MAD1L1: variants seen among roughly 807,000 people sequenced by gnomAD.
MAD1L1 encodes mitotic arrest deficient 1 like 1, also known as mitotic spindle assembly checkpoint protein MAD1.
In MAD1L1, 95 loss-of-function variants were observed where a neutral mutation model predicts 96.9. That is an observed-to-expected ratio of 0.98 (90% CI 0.83 to 1.16). The LOEUF is 1.16. Among genes scored for constraint, MAD1L1 ranks in the 50% most tolerant of loss-of-function variants. The probability of loss-of-function intolerance (pLI) is 0.00; values close to 1 mark genes in which losing one functional copy is unlikely to be tolerated. For missense variants in MAD1L1, 1,007 were observed against 954.4 expected, an observed-to-expected ratio of 1.06 and a Z score of -0.73; for synonymous variants, 473 against 396.6, an observed-to-expected ratio of 1.19 and a Z score of -2.29.
intron 12 of MAD1L1, among the ~76,000 whole-genome samples, chr7:2,019,667 C>G (rs537987059): frequency 6.6e-6 from 1 of 152,230 alleles, no homozygotes; most frequent in African/African-American, 2.4e-5. Context: ...CAGCCACCCC[C>G]CACACAAGGC....
intron 18 of MAD1L1, among the ~76,000 whole-genome samples, chr7:1,865,088 C>T (rs1167682967): frequency 1.3e-5 from 2 of 152,180 alleles, no homozygotes; most frequent in African/African-American, 4.8e-5. Flanking sequence ...CCGGGAGCAT[C>T]CCTGTCCCCA....
chr7:1,843,170 C>T (rs1183181303), intron 18 of MAD1L1, among the ~76,000 whole-genome samples: 2 of 152,188 alleles, frequency 1.3e-5, no homozygotes, highest in Non-Finnish European at 2.9e-5. Flanking sequence ...GTCTGGGTGC[C>T]CTCGTTGCCC....
At chr7:1,908,159 T>A (rs1274471897) in intron 17 of MAD1L1, among the ~76,000 whole-genome samples, 1 of 152,174 alleles carries the variant, frequency 6.6e-6, no homozygotes, top group Non-Finnish European at 1.5e-5. Flanking sequence ...GCCCAGCAAG[T>A]CTGTCCAGGC....
At position 1,913,226 on chromosome 7, in the gene MAD1L1, G is replaced by C. The variant is rs371857835; in HGVS notation, c.1808-14836C>G. On this transcript the variant is annotated intron_variant, in intron 17 of 18. Transcript: ENST00000265854. ...GCAGGAGACTCGGGAAGAGGACACG[G>C]AACTGCTCCAGTAATTGGAGCAGCC... Among the ~76,000 whole-genome samples the C allele has an allele frequency of 1.1e-4, 17 of 152,226 alleles. No homozygotes were observed. The South Asian group carries it at 3.3e-3, about 30-fold the overall frequency.
intron 11 of MAD1L1, among the ~76,000 whole-genome samples, chr7:2,083,918 C>A (rs1785779859): frequency 6.6e-6 from 1 of 152,210 alleles, no homozygotes; most frequent in African/African-American, 2.4e-5. Context: ...CGCAGTCAGA[C>A]CCTGGGGTGG....
chr7:2,091,644 T>C (rs1165453970), intron 11 of MAD1L1, among the ~76,000 whole-genome samples: 3 of 151,996 alleles, frequency 2.0e-5, no homozygotes, highest in Admixed American at 1.3e-4. Flanking sequence ...GGCTTAGTGG[T>C]GGGCGCCTGT....
intron 10 of MAD1L1, among the ~76,000 whole-genome samples, chr7:2,204,229 C>T (rs1792467637): frequency 6.6e-6 from 1 of 152,176 alleles, no homozygotes; most frequent in East Asian, 1.9e-4. Context: ...TTAAACAGCA[C>T]CCCCAGGCCA....
intron 18 of MAD1L1, among the ~76,000 whole-genome samples, chr7:1,869,365 T>A (rs778109121): frequency 6.6e-6 from 1 of 152,098 alleles, no homozygotes; most frequent in African/African-American, 2.4e-5. Context: ...GAACTCCACC[T>A]TATAGGCTCT....
intron 10 of MAD1L1, among the ~76,000 whole-genome samples, chr7:2,195,370 A>C (rs1162489653): frequency 6.6e-6 from 1 of 152,260 alleles, no homozygotes; most frequent in Non-Finnish European, 1.5e-5. Context: ...TCCTAATAAA[A>C]GGCAAAATAC....
intron 10 of MAD1L1, among the ~76,000 whole-genome samples, chr7:2,165,653 C>T (rs532948560): frequency 2.1e-5 from 2 of 97,212 alleles, no homozygotes; most frequent in African/African-American, 8.3e-5. Context: ...CGGCACGAAA[C>T]GACCAAAACA....
In MAD1L1 at chr7:1,874,765, G is replaced by A. The variant is rs1248582915; in HGVS notation, c.1998+23435C>T. Among the ~76,000 whole-genome samples the A allele has an allele frequency of 2.0e-5, 3 of 152,190 alleles. No individual in the cohort carries two copies. In the South Asian group the frequency reaches 6.2e-4, roughly 32 times the overall value. ...GGGCACTTAGTGTACACGGGGAGGGGTGGGGCTGGAGGGCTCCAGGAGAGA... is the reference window on the plus strand; with the variant it reads ...GGGCACTTAGTGTACACGGGGAGGGATGGGGCTGGAGGGCTCCAGGAGAGA... On this transcript the variant is annotated intron_variant, in intron 18 of 18. Transcript: ENST00000265854.
chr7:1,898,215 G>A lies in MAD1L1; in HGVS notation c.1983C>T (p.Asp661=), dbSNP rs1423733263. ...LTSLYAEHPG[D]CLIFKATSPS... is the part of the protein sequence containing the mutation. The stretch of plus-strand genomic sequence containing the variant: ...CAGGACCCACCTTGAAGATGAGGCA[G>A]TCGCCTGGGTGCTCGGCGTACAGCG... The change falls in exon 18 of 19, where the codon GAC becomes GAT. Residue 661 remains aspartate, a synonymous_variant. Transcript: ENST00000265854. 1.1e-5 allele frequency: 18 copies of A among 1,611,000 alleles called. No individual in the cohort carries two copies. Among genetic ancestry groups the A allele is most frequent in the Non-Finnish European group, 1.5e-5 (18 of 1,178,576 alleles).
chr7:2,050,592 G>C (rs1242934878), intron 12 of MAD1L1, among the ~76,000 whole-genome samples: 2 of 152,190 alleles, frequency 1.3e-5, no homozygotes, highest in Non-Finnish European at 2.9e-5. Flanking sequence ...ACTGAGGCCA[G>C]GGACCTCTCC....
At chr7:2,153,805 C>T (rs1253113430) in intron 10 of MAD1L1, among the ~76,000 whole-genome samples, 10 of 152,164 alleles carry the variant, frequency 6.6e-5, no homozygotes, top group Admixed American at 1.3e-4. Context: ...TATCGACAGA[C>T]GAATGGATAA....
At chr7:2,129,949 C>T (rs1346328159) in intron 11 of MAD1L1, among the ~76,000 whole-genome samples, 1 of 152,334 alleles carries the variant, frequency 6.6e-6, no homozygotes, top group East Asian at 1.9e-4. Flanking sequence ...GTCCAAAAAG[C>T]TGTCCTTCTG....
At chr7:2,167,555 T>A (rs565059762) in intron 10 of MAD1L1, among the ~76,000 whole-genome samples, 91 of 149,696 alleles carry the variant, frequency 6.1e-4, no homozygotes, top group African/African-American at 1.9e-3. Flanking sequence ...TCTCAAAAAA[T>A]AATAATAATA....
intron 3 of MAD1L1, among the ~76,000 whole-genome samples, chr7:2,227,507 G>T (rs1329492879): frequency 6.6e-6 from 1 of 152,064 alleles, no homozygotes; most frequent in East Asian, 1.9e-4. Context: ...TAGAGGCCAG[G>T]GAAGTTGTTA....
At chr7:2,151,696 G>A (rs1789578534) in intron 10 of MAD1L1, among the ~76,000 whole-genome samples, 1 of 152,252 alleles carries the variant, frequency 6.6e-6, no homozygotes, top group African/African-American at 2.4e-5. Context: ...CATGTTCTGC[G>A]ATTCCCAGTG....
chr7:2,115,329 C>T (rs1416455272), intron 11 of MAD1L1, among the ~76,000 whole-genome samples: 1 of 147,980 alleles, frequency 6.8e-6, no homozygotes, highest in Non-Finnish European at 1.5e-5. Context: ...AGGGTCCCCA[C>T]GTGTTCCGGG....
Sources: gnomAD v4.1 joint callset for allele counts (sites outside exome capture counted in the v4.1 genomes callset) on GRCh38, gnomAD v4.1.1 for gene constraint, MANE v1.5 for transcripts, NCBI Gene and HGNC (gene_info 2026-07-23, HGNC 2026-07-21) for gene names.